CACNA2D3: variants seen among roughly 807,000 people sequenced by gnomAD.
CACNA2D3 encodes the protein voltage-dependent calcium channel subunit alpha-2/delta-3.
A neutral mutation model predicts 160.6 loss-of-function variants in CACNA2D3; 60 were observed. The ratio of observed to expected loss-of-function variants is 0.37; its 90% confidence interval spans 0.30 to 0.46. The LOEUF is 0.46. Among genes scored for constraint, CACNA2D3 ranks in the 20% least tolerant of loss-of-function variants. The pLI is 1.00. For synonymous variants in CACNA2D3, 558 were observed against 492.9 expected (o/e 1.13, Z -1.75); for missense variants, 1,205 against 1,365.0 (o/e 0.88, Z 1.85).
chr3:54,209,002 T>C (rs12492382), intron 2 of CACNA2D3, among the ~76,000 whole-genome samples: 48,366 of 151,964 alleles, frequency 0.32, 9,002 homozygotes, highest in South Asian at 0.47. Flanking sequence ...TATAAAACCA[T>C]CAGATCAGAG....
intron 4 of CACNA2D3, among the ~76,000 whole-genome samples, chr3:54,445,868 C>T (rs1043834824): frequency 6.6e-6 from 1 of 152,150 alleles, no homozygotes; most frequent in Non-Finnish European, 1.5e-5. Flanking sequence ...GTTTATAAGA[C>T]CTCTCATGAA....
At chr3:54,134,486 C>T in intron 2 of CACNA2D3, among the ~76,000 whole-genome samples, 1 of 152,172 alleles carries the variant, frequency 6.6e-6, no homozygotes, top group East Asian at 1.9e-4. Flanking sequence ...TTTTCCCTGT[C>T]CTTGCATGCT....
At position 54,333,383 on chromosome 3, in the gene CACNA2D3, A is replaced by G. The variant is rs544454945; in HGVS notation, c.321+12825A>G. ...TTGCATTTCTGTGTCTGCACTGCTC[A>G]TTGGCCGCCTCCCTTTCCCTTTGTG... is the stretch of plus-strand genomic sequence containing the variant. On this transcript the variant is annotated intron_variant, in intron 3 of 37. Transcript: ENST00000474759. Among the ~76,000 whole-genome samples, 15 of 152,096 alleles carry G rather than the reference A, an allele frequency of 9.9e-5. No homozygotes were observed. The East Asian group carries it at 2.7e-3, about 28-fold the overall frequency.
chr3:54,984,372 A>G, intron 29 of CACNA2D3, among the ~76,000 whole-genome samples: 1 of 152,064 alleles, frequency 6.6e-6, no homozygotes, highest in African/African-American at 2.4e-5. Context: ...AATCTGGATC[A>G]TTCAAGACTC....
intron 2 of CACNA2D3, among the ~76,000 whole-genome samples, chr3:54,140,607 G>A (rs765665278): frequency 6.6e-6 from 1 of 152,226 alleles, no homozygotes; most frequent in Non-Finnish European, 1.5e-5. Flanking sequence ...GGGAGTCCAG[G>A]CTTCGTGTTC....
chr3:54,929,212 A>T (rs1309109445), intron 27 of CACNA2D3, among the ~76,000 whole-genome samples: 1 of 152,090 alleles, frequency 6.6e-6, no homozygotes, highest in Non-Finnish European at 1.5e-5. Context: ...TGACATGGGG[A>T]CAACATTAGC....
intron 3 of CACNA2D3, among the ~76,000 whole-genome samples, chr3:54,352,010 T>A (rs1206649312): frequency 1.3e-5 from 2 of 152,244 alleles, no homozygotes; most frequent in African/African-American, 4.8e-5. Context: ...TCATGGCTAT[T>A]GGTGCTTTGT....
intron 9 of CACNA2D3, among the ~76,000 whole-genome samples, chr3:54,598,254 G>A (rs35688992): frequency 3.5e-4 from 43 of 124,382 alleles, no homozygotes; most frequent in African/African-American, 1.3e-3. Context: ...GTTGCAGTGA[G>A]CCGAGATCAT....
intron 27 of CACNA2D3, among the ~76,000 whole-genome samples, chr3:54,923,216 C>G (rs1700904104): frequency 6.6e-6 from 1 of 152,186 alleles, no homozygotes; most frequent in Non-Finnish European, 1.5e-5. Flanking sequence ...TTGGCCTTCT[C>G]TGCACACTTC....
chr3:54,907,621 GTTA>G (rs1257155207), intron 27 of CACNA2D3, among the ~76,000 whole-genome samples: 3 of 152,036 alleles, frequency 2.0e-5, no homozygotes, highest in African/African-American at 7.2e-5. Context: ...CCTGTATTAT[GTTA>G]TTTTTTCTGA....
In CACNA2D3 at chr3:54,375,626, G is replaced by A. The variant is rs559553481; in HGVS notation, c.322-11089G>A. Among the ~76,000 whole-genome samples, 49 of 152,272 alleles carry A rather than the reference G, an allele frequency of 3.2e-4. 2 individuals carry two copies. In the South Asian group the frequency reaches 0.01, roughly 32 times the overall value. Reference sequence around the variant, plus strand: ...GATGGCTGGGGGTCAGGATCTGAGGGTACTGGGCCAGATCAAAGGACCTTT... The same window carrying A: ...GATGGCTGGGGGTCAGGATCTGAGGATACTGGGCCAGATCAAAGGACCTTT... On this transcript the variant is annotated intron_variant, in intron 3 of 37. Coordinates refer to ENST00000474759, the MANE Select transcript of CACNA2D3 (RefSeq NM_018398.3).
chr3:54,642,507 T>C (rs1386429372), intron 11 of CACNA2D3, among the ~76,000 whole-genome samples: 1 of 152,216 alleles, frequency 6.6e-6, no homozygotes, highest in East Asian at 1.9e-4. Context: ...GCTTCATCCA[T>C]ATTGGGTTGT....
At chr3:54,585,027 C>A (rs902274174) in intron 9 of CACNA2D3, among the ~76,000 whole-genome samples, 2 of 152,072 alleles carry the variant, frequency 1.3e-5, no homozygotes, top group Non-Finnish European at 1.5e-5. Flanking sequence ...AAAGGGAATT[C>A]TCTAAACAGA....
At chr3:54,730,530 T>A (rs973139905) in intron 11 of CACNA2D3, among the ~76,000 whole-genome samples, 6 of 152,046 alleles carry the variant, frequency 3.9e-5, no homozygotes, top group Admixed American at 6.5e-5. Context: ...TTTGATGGAG[T>A]CTCGCTCTGT....
At chr3:55,055,194 G>A (rs1704331676) in intron 35 of CACNA2D3, among the ~76,000 whole-genome samples, 1 of 152,020 alleles carries the variant, frequency 6.6e-6, no homozygotes, top group South Asian at 2.1e-4. Context: ...AGTATCTGGT[G>A]TTACATGTAA....
chr3:54,801,915 T>G (rs1470179076), intron 13 of CACNA2D3, among the ~76,000 whole-genome samples: 1 of 152,202 alleles, frequency 6.6e-6, no homozygotes, highest in Non-Finnish European at 1.5e-5. Flanking sequence ...CAAGAAAATT[T>G]GGAATACATA....
At chr3:54,940,047 G>A (rs1319325736) in intron 27 of CACNA2D3, among the ~76,000 whole-genome samples, 1 of 152,132 alleles carries the variant, frequency 6.6e-6, no homozygotes, top group East Asian at 1.9e-4. Context: ...GATGGAGAAG[G>A]TGGAGCTGAC....
At chr3:54,576,170 C>T (rs527899734) in intron 8 of CACNA2D3, among the ~76,000 whole-genome samples, 48 of 152,276 alleles carry the variant, frequency 3.2e-4, no homozygotes, top group Non-Finnish European at 6.2e-4. Context: ...TGACTGATAA[C>T]CTTCTGTTAG....
At chr3:54,633,939 A>G (rs55772258) in intron 10 of CACNA2D3, among the ~76,000 whole-genome samples, 26,602 of 152,068 alleles carry the variant, frequency 0.17, 3,071 homozygotes, top group Non-Finnish European at 0.25. Context: ...CCCCTATGCC[A>G]TGGTACCCCG....
Sources: allele counts gnomAD v4.1 joint callset (sites outside exome capture counted in the v4.1 genomes callset), GRCh38; gene constraint gnomAD v4.1.1; transcripts MANE v1.5; gene names NCBI Gene and HGNC (gene_info 2026-07-23, HGNC 2026-07-21).